Variants in SVEP1 observed in about 807,000 individuals in gnomAD.
The protein encoded by SVEP1 is sushi, von Willebrand factor type A, EGF and pentraxin domain-containing protein 1.
A neutral mutation model predicts 367.3 loss-of-function variants in SVEP1; 164 were observed. The observed-to-expected ratio is 0.45, with a 90% confidence interval of 0.39 to 0.51. SVEP1 has a LOEUF of 0.51. Ranked by LOEUF, SVEP1 falls within the 20% of genes least tolerant of loss-of-function variation. The pLI is 0.00. For missense variants in SVEP1, 4,117 were observed against 4,425.3 expected (o/e 0.93, Z 1.98); for synonymous variants, 1,666 against 1,611.6 (o/e 1.03, Z -0.81).
chr9:110,458,822 A>G, intron 19 of SVEP1, 130 bp downstream of exon 19: 5 of 1,159,682 alleles, frequency 4.3e-6, no homozygotes, highest in Non-Finnish European at 6.0e-6. Context: ...AATACCTCAG[A>G]AGGACAATTT....
intron 3 of SVEP1, among the ~76,000 whole-genome samples, chr9:110,530,192 C>T (rs1418046210): frequency 6.6e-6 from 1 of 152,188 alleles, no homozygotes; most frequent in African/African-American, 2.4e-5. Context: ...ATCCCTGCAT[C>T]CCTGGGATGA....
At chr9:110,449,994 G>T (rs1202641614) in intron 24 of SVEP1, 65 bp downstream of exon 24, 4 of 1,556,074 alleles carry the variant, frequency 2.6e-6, no homozygotes, top group African/African-American at 2.7e-5. Context: ...CTCCATAAAG[G>T]CTGCAGAATC....
chr9:110,391,655 T>C (rs904533666), intron 40 of SVEP1, among the ~76,000 whole-genome samples: 4 of 152,250 alleles, frequency 2.6e-5, no homozygotes, highest in African/African-American at 7.2e-5. Flanking sequence ...AACTACAAAA[T>C]TGAGAGAGCG....
intron 40 of SVEP1, among the ~76,000 whole-genome samples, chr9:110,394,633 T>A (rs1278318971): frequency 6.6e-6 from 1 of 152,010 alleles, no homozygotes; most frequent in Non-Finnish European, 1.5e-5. Context: ...ATAACTAGAA[T>A]AACCAATGCA....
chr9:110,479,576 CAGAA>C, intron 13 of SVEP1, 55 bp downstream of exon 13: 1 of 1,524,820 alleles, frequency 6.6e-7, no homozygotes, highest in East Asian at 2.4e-5. Flanking sequence ...GTAAATGACT[CAGAA>C]AGGTTATGAA....
intron 3 of SVEP1, among the ~76,000 whole-genome samples, chr9:110,528,507 G>T (rs188600129): frequency 6.6e-6 from 1 of 151,870 alleles, no homozygotes; most frequent in South Asian, 2.1e-4. Flanking sequence ...ATTCTGGCTG[G>T]AGTAAACTGG....
intron 24 of SVEP1, among the ~76,000 whole-genome samples, chr9:110,449,641 C>A (rs918091568): frequency 6.6e-6 from 1 of 152,264 alleles, no homozygotes; most frequent in Admixed American, 6.5e-5. Flanking sequence ...CGAGATCGTG[C>A]TATTGCACTC....
intron 41 of SVEP1, among the ~76,000 whole-genome samples, chr9:110,388,247 T>TG (rs1827556155): frequency 6.6e-6 from 1 of 152,086 alleles, no homozygotes; most frequent in Admixed American, 6.6e-5. Context: ...CATAAACTGG[T>TG]GAGTATTATA....
chr9:110,436,270 C>T (rs910589030), intron 28 of SVEP1, 110 bp downstream of exon 28: 1 of 1,371,558 alleles, frequency 7.3e-7, no homozygotes, highest in Non-Finnish European at 9.8e-7. Flanking sequence ...GTGATAAATT[C>T]TGATAACCAA....
At chr9:110,427,157 G>T (rs1038365600) in intron 36 of SVEP1, among the ~76,000 whole-genome samples, 2 of 151,920 alleles carry the variant, frequency 1.3e-5, no homozygotes, top group African/African-American at 4.8e-5. Flanking sequence ...AAGTAGCCGG[G>T]TGTGGTGGCA....
At chr9:110,534,931 T>C (rs1170555721) in intron 3 of SVEP1, among the ~76,000 whole-genome samples, 1 of 152,178 alleles carries the variant, frequency 6.6e-6, no homozygotes, top group Non-Finnish European at 1.5e-5. Flanking sequence ...CTTTGTCAGA[T>C]GCAGCATTTG....
At position 110,552,826 on chromosome 9, in the gene SVEP1, A is replaced by T. The variant is rs111315911; in HGVS notation, c.532-2722T>A. 8.5e-3 allele frequency among the ~76,000 whole-genome samples: 1,299 copies of T among 152,032 alleles called. 22 individuals are homozygous for T. Among genetic ancestry groups the T allele is most frequent in the African/African-American group, 0.03 (1,243 of 41,454 alleles). ...GGGCCCCCTGCAGTAGAGTAAAACT[A>T]CTCCATTGGGTGGTAAAGGAGAGGG... On this transcript the variant is annotated intron_variant, in intron 1 of 47. Transcript: ENST00000374469.
At chr9:110,376,534 C>T (rs905626330) in intron 45 of SVEP1, among the ~76,000 whole-genome samples, 3 of 152,212 alleles carry the variant, frequency 2.0e-5, no homozygotes, top group African/African-American at 7.2e-5. Context: ...AAAAGTCACA[C>T]TTAAAACATT....
At chr9:110,450,467 G>GTTTTTTTTTTT (rs10656079) in intron 23 of SVEP1, among the ~76,000 whole-genome samples, 4 of 102,106 alleles carry the variant, frequency 3.9e-5, no homozygotes, top group Non-Finnish European at 3.7e-5. Context: ...TTGATAATCT[G>GTTTTTTTTTTT]TTTTTTTTTT....
At chr9:110,511,487 C>CATTTTT in intron 5 of SVEP1, among the ~76,000 whole-genome samples, 2 of 69,562 alleles carry the variant, frequency 2.9e-5, no homozygotes. Context: ...TGTGTCAGTA[C>CATTTTT]CTTTTTTTTT....
chr9:110,564,464 A>T (rs1588110685), intron 1 of SVEP1, among the ~76,000 whole-genome samples: 1 of 152,290 alleles, frequency 6.6e-6, no homozygotes, highest in East Asian at 1.9e-4. Flanking sequence ...ACGCTTGAAA[A>T]AGCCAAATAT....
chr9:110,418,760 C>T lies in SVEP1; in HGVS notation c.5976-7025G>A, dbSNP rs1396202775. 6.0e-5 allele frequency among the ~76,000 whole-genome samples: 5 copies of T among 83,358 alleles called. 1 individual carries two copies. The highest frequency in any genetic ancestry group is 1.8e-4 in the African/African-American group (4 of 22,080). 54.7% of individuals were successfully genotyped at this position (83,358 alleles called of 152,430 possible). ...AAAGGAAAGCCCATCAGACTAACAG[C>T]GGATCTCTCGGCAGAAACCCTACAA... On this transcript the variant is annotated intron_variant, in intron 36 of 47. Coordinates refer to ENST00000374469, the MANE Select transcript of SVEP1 (RefSeq NM_153366.4).
intron 11 of SVEP1, 94 bp downstream of exon 11, chr9:110,482,267 G>A: frequency 7.5e-7 from 1 of 1,328,366 alleles, no homozygotes; most frequent in Non-Finnish European, 9.9e-7. Context: ...AAAATCTAAT[G>A]CTCATAGCCT....
At chr9:110,447,884 T>C (rs1196240816) in intron 24 of SVEP1, among the ~76,000 whole-genome samples, 1 of 152,184 alleles carries the variant, frequency 6.6e-6, no homozygotes, top group Non-Finnish European at 1.5e-5. Flanking sequence ...AATGGAATAC[T>C]AAGGAGCAAT....
Sources: gnomAD v4.1 joint callset for allele counts (sites outside exome capture counted in the v4.1 genomes callset) on GRCh38, gnomAD v4.1.1 for gene constraint, MANE v1.5 for transcripts, NCBI Gene and HGNC (gene_info 2026-07-23, HGNC 2026-07-21) for gene names.